IL17RD: variants seen among roughly 807,000 people sequenced by gnomAD.
IL17RD encodes interleukin-17 receptor D.
IL17RD carries 52 observed loss-of-function variants against 80.5 expected under a neutral mutation model. The observed-to-expected ratio is 0.65, with a 90% CI of 0.52 to 0.81. The LOEUF (loss-of-function observed/expected upper bound fraction) is 0.81. Among genes scored for constraint, IL17RD ranks in the 40% least tolerant of loss-of-function variants. The probability of loss-of-function intolerance (pLI) is 0.00; values close to 1 mark genes in which losing one functional copy is unlikely to be tolerated. For synonymous variants in IL17RD, 416 were observed against 391.8 expected (o/e 1.06, Z -0.73); for missense variants, 1,024 against 955.1 (o/e 1.07, Z -0.95).
Position 57,098,414 on chromosome 3 carries a change from A to G in IL17RD, c.1289T>C (p.Val430Ala). The stretch of plus-strand genomic sequence containing the variant: ...TTTGTGTTTGTAGTTCTTCTTGTCC[A>G]CAAAGTACTTCATACCTTTGGAACA... ...VVCSKGMKYF[V>A]DKKNYKHKGG... Residue 430 changes from valine (V) to alanine (A), a missense_variant, in exon 12 of 13, where the codon GTG (valine) becomes GCG (alanine). By Grantham distance (64) the Val-to-Ala change is moderately conservative. Transcript: ENST00000296318. The G allele has an allele frequency of 4.3e-6, 7 of 1,613,928 alleles. No individual in the cohort carries two copies. Among genetic ancestry groups the G allele is most frequent in the Non-Finnish European group, 5.1e-6 (6 of 1,179,872 alleles).
At chr3:57,110,504 T>C (rs532924420) in intron 3 of IL17RD, among the ~76,000 whole-genome samples, 193 bp from the exon 4 acceptor site, 39 of 152,328 alleles carry the variant, frequency 2.6e-4, no homozygotes, top group African/African-American at 9.1e-4. Flanking sequence ...CAGGTGATTT[T>C]CTCCATCCCA....
chr3:57,125,164 T>C (rs1707432133), intron 1 of IL17RD, among the ~76,000 whole-genome samples: 1 of 152,208 alleles, frequency 6.6e-6, no homozygotes, highest in African/African-American at 2.4e-5. Flanking sequence ...CCCAGCACTT[T>C]GGGAGGCCAA....
At chr3:57,108,509 CTTTTT>C (rs34594516) in intron 5 of IL17RD, among the ~76,000 whole-genome samples, 1 of 49,154 alleles carries the variant, frequency 2.0e-5, no homozygotes. Context: ...TGATACATGG[CTTTTT>C]TTTTTTTTTT....
At chr3:57,111,460 C>A (rs1707095712) in intron 3 of IL17RD, among the ~76,000 whole-genome samples, 1 of 152,054 alleles carries the variant, frequency 6.6e-6, no homozygotes, top group Non-Finnish European at 1.5e-5. Flanking sequence ...AGCTGAGCAA[C>A]CACCAGAGAT....
chr3:57,141,308 T>C (rs764709265), intron 1 of IL17RD, among the ~76,000 whole-genome samples: 65 of 152,212 alleles, frequency 4.3e-4, no homozygotes, highest in Non-Finnish European at 8.4e-4. Flanking sequence ...TAACCACCGG[T>C]CTGAACAGAA....
intron 3 of IL17RD, among the ~76,000 whole-genome samples, chr3:57,113,119 C>T (rs1239892594): frequency 6.6e-6 from 1 of 152,208 alleles, no homozygotes; most frequent in Non-Finnish European, 1.5e-5. Flanking sequence ...CTTGGCTAAC[C>T]CATTCTTTCC....
At chr3:57,156,183 G>T (rs9823220) in intron 1 of IL17RD, among the ~76,000 whole-genome samples, 36,302 of 151,944 alleles carry the variant, frequency 0.24, 5,611 homozygotes, top group African/African-American at 0.4. Context: ...TGAAAAGTTC[G>T]GCAGAGAAAA....
chr3:57,111,894 G>A (rs1375019293), intron 3 of IL17RD, among the ~76,000 whole-genome samples: 4 of 151,660 alleles, frequency 2.6e-5, no homozygotes, highest in East Asian at 1.9e-4. Context: ...CCTGGGAGGC[G>A]GAGCTTGCAG....
chr3:57,129,788 T>C (rs1707569042), intron 1 of IL17RD, among the ~76,000 whole-genome samples: 1 of 152,228 alleles, frequency 6.6e-6, no homozygotes, highest in Non-Finnish European at 1.5e-5. Context: ...GTCCACATGG[T>C]GGTCTCGGAC....
In IL17RD at chr3:57,101,257, A is replaced by T. The variant is rs779223074; in HGVS notation, c.1086T>A (p.Tyr362Ter). ...TGTGATTCTGGCCATCTTTACTGGA[A>T]TAGCAGAGAAAGACCTTCGGCCGCG... ...LRPRPKVFLC[Y>*]SSKDGQNHMN... The change falls in exon 11 of 13, where the codon TAT becomes TAA. Residue 362 changes from tyrosine to a stop codon, truncating the protein, a stop_gained. Coordinates refer to ENST00000296318, the MANE Select transcript of IL17RD (RefSeq NM_017563.5). LOFTEE classifies it high-confidence loss of function. 6.2e-7 allele frequency: 1 copy of T among 1,613,714 alleles called. No individual in the cohort carries two copies. Among genetic ancestry groups the T allele is most frequent in the South Asian group, 1.1e-5 (1 of 91,020 alleles).
chr3:57,163,036 G>A (rs941780593), intron 1 of IL17RD, among the ~76,000 whole-genome samples: 4 of 152,178 alleles, frequency 2.6e-5, no homozygotes, highest in African/African-American at 4.8e-5. Flanking sequence ...GCATCCATCC[G>A]GAGTTAGGAG....
At chr3:57,151,591 A>G (rs1310840555) in intron 1 of IL17RD, among the ~76,000 whole-genome samples, 1 of 152,208 alleles carries the variant, frequency 6.6e-6, no homozygotes, top group Non-Finnish European at 1.5e-5. Flanking sequence ...AGAAATCAAA[A>G]TACTAAGATG....
In IL17RD at chr3:57,094,373, C is replaced by T. The variant is rs1706623379; in HGVS notation, c.*2020G>A. On this transcript the variant is annotated 3_prime_UTR_variant, in exon 13 of 13. Transcript: ENST00000296318. ...TAAGTATCAAAACCCTAAATCCAAA[C>T]TAAAACATCCCGATTTTTTAACTAG... The T allele has an allele frequency of 6.6e-6, 1 of 152,162 alleles. No homozygotes were observed. The highest frequency in any genetic ancestry group is 2.1e-4 in the South Asian group (1 of 4,826). 9.4% of individuals were successfully genotyped at this position (152,162 alleles called of 1,614,324 possible). A position where few individuals can be genotyped will look rare whatever the true frequency, so the allele number is the denominator to read the frequency against.
chr3:57,122,740 C>CTTTTTTT (rs754491969), intron 1 of IL17RD, among the ~76,000 whole-genome samples: 8 of 117,028 alleles, frequency 6.8e-5, no homozygotes, highest in African/African-American at 9.7e-5. Flanking sequence ...CCTCAACTGT[C>CTTTTTTT]TTTTTTTTTT....
intron 7 of IL17RD, among the ~76,000 whole-genome samples, chr3:57,105,552 A>AAAAAAAAAATATATATATATATAT: frequency 6.3e-5 from 4 of 63,582 alleles, no homozygotes; most frequent in African/African-American, 2.8e-4. Flanking sequence ...AAAAAAAAAA[A>AAAAAAAAAATATATATATATATAT]ATATATATAT....
Position 57,153,649 on chromosome 3 carries a change from G to C in IL17RD, c.126+11512C>G, listed in dbSNP as rs542264972. Among the ~76,000 whole-genome samples the C allele has an allele frequency of 1.3e-4, 20 of 152,268 alleles. No individual in the cohort carries two copies. In the South Asian group the frequency reaches 3.9e-3, roughly 30 times the overall value. ...TATGAATTGGTAACTTTAGACAAAGGGGAAATGGGTGTTCATTTTACTGTT... is the reference window on the plus strand; with the variant it reads ...TATGAATTGGTAACTTTAGACAAAGCGGAAATGGGTGTTCATTTTACTGTT... On this transcript the variant is annotated intron_variant, in intron 1 of 12. Coordinates refer to ENST00000296318, the MANE Select transcript of IL17RD (RefSeq NM_017563.5).
Position 57,093,439 on chromosome 3 carries a change from T to G in IL17RD, c.*2954A>C, listed in dbSNP as rs1246847518. The G allele has an allele frequency of 6.6e-6, 1 of 152,236 alleles. No homozygotes were observed. The highest frequency in any genetic ancestry group is 6.5e-5 in the Admixed American group (1 of 15,284). The allele number at this position is 152,236 out of a possible 1,614,324, so 9.4% of individuals were successfully genotyped here. A position where few individuals can be genotyped will look rare whatever the true frequency, so the allele number is the denominator to read the frequency against. On this transcript the variant is annotated 3_prime_UTR_variant, in exon 13 of 13. Coordinates refer to ENST00000296318, the MANE Select transcript of IL17RD (RefSeq NM_017563.5). ...TTTCCTCAAGGAATAAAATTGGTCC[T>G]CTTGCCCCTTATTTCTTTTAAAAGA...
rs1326339777 is a variant in IL17RD at position 57,096,213 on chromosome 3, G to A, written c.*180C>T. The stretch of plus-strand genomic sequence containing the variant: ...CCATATCATTTTAGAAAATTGGAGA[G>A]TTTGTCAAGATATCCGGTAAAGGGT... On this transcript the variant is annotated 3_prime_UTR_variant, in exon 13 of 13. Transcript: ENST00000296318. The A allele has an allele frequency of 3.4e-6, 2 of 590,054 alleles. No individual in the cohort carries two copies. The highest frequency in any genetic ancestry group is 6.2e-6 in the Non-Finnish European group (2 of 324,144). 36.6% of individuals were successfully genotyped at this position (590,054 alleles called of 1,614,324 possible).
Position 57,094,928 on chromosome 3 carries a change from T to C in IL17RD, c.*1465A>G, listed in dbSNP as rs987532291. 2.6e-5 allele frequency: 4 copies of C among 152,678 alleles called. No homozygotes were observed. The highest frequency in any genetic ancestry group is 9.6e-5 in the African/African-American group (4 of 41,466). The allele number at this position is 152,678 out of a possible 1,614,324, so 9.5% of individuals were successfully genotyped here. The stretch of plus-strand genomic sequence containing the variant: ...AGCTGCCTTTACAGAGCAGTGAGTA[T>C]GACATTTGCATCAGAAATATACACA... On this transcript the variant is annotated 3_prime_UTR_variant, in exon 13 of 13. Coordinates refer to ENST00000296318, the MANE Select transcript of IL17RD (RefSeq NM_017563.5).
Sources: allele counts gnomAD v4.1 joint callset (sites outside exome capture counted in the v4.1 genomes callset), GRCh38; gene constraint gnomAD v4.1.1; transcripts MANE v1.5; gene names NCBI Gene and HGNC (gene_info 2026-07-23, HGNC 2026-07-21).